The following RNASE10 variants were observed in gnomAD, a reference collection of about 807,000 sequenced individuals.
The protein encoded by RNASE10 is inactive ribonuclease-like protein 10.
Under a neutral mutation model 1.1 loss-of-function variants are expected in RNASE10, and 2 were observed. The ratio of observed to expected loss-of-function variants is 1.82; its 90% confidence interval spans 0.74 to 5.73. RNASE10 has a LOEUF of 5.73. Ranked by LOEUF, RNASE10 falls within the 30% of genes most tolerant of loss-of-function variation. The pLI is 0.05. For synonymous variants in RNASE10, 97 were observed against 96.2 expected (o/e 1.01, Z -0.05); for missense variants, 276 against 263.4 (o/e 1.05, Z -0.33).
intron 1 of RNASE10, among the ~76,000 whole-genome samples, chr14:20,506,385 A>C (rs1213177181): frequency 3.8e-5 from 4 of 104,586 alleles, no homozygotes; most frequent in East Asian, 6.4e-4. Flanking sequence ...GGCCGCCCCT[A>C]CTGGGAAGTG....
chr14:20,511,002 G>A (rs762152558), exon 2 of RNASE10: 7 of 1,598,256 alleles, frequency 4.4e-6, no homozygotes, highest in Admixed American at 1.7e-5. Flanking sequence ...ATTTGACATT[G>A]TGCGAGCTGT....
At chr14:20,509,756 A>G (rs1882847468) in intron 1 of RNASE10, among the ~76,000 whole-genome samples, 1 of 152,136 alleles carries the variant, frequency 6.6e-6, no homozygotes, top group African/African-American at 2.4e-5. Context: ...GAATTTCCCT[A>G]AAGGAGAGTG....
chr14:20,510,814 A>C (rs1432935457), exon 2 of RNASE10: 1 of 1,614,088 alleles, frequency 6.2e-7, no homozygotes, highest in East Asian at 2.2e-5. Flanking sequence ...GCTTGACCAG[A>C]CAGATAGAGA....
At chr14:20,506,944 G>A (rs1882750142) in intron 1 of RNASE10, among the ~76,000 whole-genome samples, 1 of 142,786 alleles carries the variant, frequency 7.0e-6, no homozygotes, top group Non-Finnish European at 1.5e-5. Context: ...GGGGGAGGGG[G>A]GGTCAGCCCC....
downstream of RNASE10, among the ~76,000 whole-genome samples, chr14:20,513,229 G>GT (rs201219528): frequency 0.046 from 6,842 of 148,936 alleles, 422 homozygotes; most frequent in African/African-American, 0.15. Context: ...TTTTGTTTTT[G>GT]TTTTTTTTGT....
chr14:20,507,823 C>T (rs1038903833), intron 1 of RNASE10, among the ~76,000 whole-genome samples: 1 of 151,990 alleles, frequency 6.6e-6, no homozygotes, highest in African/African-American at 2.4e-5. Context: ...TCATGGCTCA[C>T]TGCAGCCTCA....
chr14:20,507,299 G>C (rs1207839699), intron 1 of RNASE10, among the ~76,000 whole-genome samples: 1 of 134,696 alleles, frequency 7.4e-6, no homozygotes, highest in Non-Finnish European at 1.6e-5. Context: ...GGATCCTGTT[G>C]ATCTGTGACC....
At chr14:20,505,087 T>C (rs976668268), upstream of RNASE10, among the ~76,000 whole-genome samples, 1 of 151,908 alleles carries the variant, frequency 6.6e-6, no homozygotes, top group African/African-American at 2.4e-5. Flanking sequence ...TCTGCGGTTC[T>C]ACAAGTTATG....
At chr14:20,510,883 T>C (rs1432031520) in exon 2 of RNASE10, 1 of 1,614,020 alleles carries the variant, frequency 6.2e-7, no homozygotes, top group South Asian at 1.1e-5. Flanking sequence ...CATAGCCCAG[T>C]ATGCATTCAT....
At chr14:20,509,967 A>AAG (rs1370614316) in intron 1 of RNASE10, among the ~76,000 whole-genome samples, 4 of 151,114 alleles carry the variant, frequency 2.6e-5, no homozygotes, top group Non-Finnish European at 5.9e-5. Flanking sequence ...AAAAAAAAAA[A>AAG]AAAGAGCTGG....
chr14:20,505,504 C>T (rs1342858449), upstream of RNASE10: 11 of 78,442 alleles, frequency 1.4e-4, 3 homozygotes, highest in Non-Finnish European at 2.4e-4. Flanking sequence ...TTGGTGGAGA[C>T]GGGGTTTCAC....
chr14:20,509,849 G>T (rs1009657707), intron 1 of RNASE10, among the ~76,000 whole-genome samples: 1 of 151,418 alleles, frequency 6.6e-6, no homozygotes, highest in African/African-American at 2.4e-5. Flanking sequence ...GATGTCAGGG[G>T]CATGGTGGCT....
chr14:20,509,289 C>T (rs573120369), intron 1 of RNASE10, among the ~76,000 whole-genome samples: 1 of 152,354 alleles, frequency 6.6e-6, no homozygotes, highest in Non-Finnish European at 1.5e-5. Flanking sequence ...CTCAGGTGAT[C>T]CACCTGCCTT....
intron 1 of RNASE10, among the ~76,000 whole-genome samples, chr14:20,510,122 A>AG (rs1882854885): frequency 1.3e-5 from 2 of 149,548 alleles, no homozygotes; most frequent in Non-Finnish European, 3.0e-5. Context: ...CTGTCTCAAA[A>AG]GGAAAAAAAA....
At chr14:20,507,561 T>C (rs1882778804) in intron 1 of RNASE10, among the ~76,000 whole-genome samples, 2 of 142,018 alleles carry the variant, frequency 1.4e-5, no homozygotes, top group South Asian at 4.5e-4. Context: ...ACTATTGTCC[T>C]ATGACCCTGC....
At chr14:20,505,143 GCT>G (rs1484916344), upstream of RNASE10, among the ~76,000 whole-genome samples, 1 of 151,520 alleles carries the variant, frequency 6.6e-6, no homozygotes, top group African/African-American at 2.4e-5. Flanking sequence ...CAAAGAAAGA[GCT>G]CCAGTGCCAG....
At chr14:20,509,234 A>C (rs753147749) in intron 1 of RNASE10, among the ~76,000 whole-genome samples, 2 of 152,276 alleles carry the variant, frequency 1.3e-5, no homozygotes, top group Admixed American at 6.5e-5. Flanking sequence ...TTTTTAGTAG[A>C]GATGGGGTTT....
intron 1 of RNASE10, among the ~76,000 whole-genome samples, chr14:20,507,976 C>T (rs533067464): frequency 1.3e-5 from 2 of 152,182 alleles, no homozygotes; most frequent in South Asian, 2.1e-4. Flanking sequence ...TCTCAAACTC[C>T]GGGACTCAAG....
chr14:20,507,028 G>A (rs1263879079), intron 1 of RNASE10, among the ~76,000 whole-genome samples: 4 of 150,236 alleles, frequency 2.7e-5, no homozygotes, highest in African/African-American at 7.4e-5. Flanking sequence ...CGCCCTGTCC[G>A]GGAGGTGAGG....
Sources: gnomAD v4.1 joint callset for allele counts (sites outside exome capture counted in the v4.1 genomes callset) on GRCh38, gnomAD v4.1.1 for gene constraint, MANE v1.5 for transcripts, NCBI Gene and HGNC (gene_info 2026-07-23, HGNC 2026-07-21) for gene names.